CD247: variants seen among roughly 807,000 people sequenced by gnomAD.
CD247 encodes the protein CD247 molecule, also known as T-cell surface glycoprotein CD3 zeta chain.
A neutral mutation model predicts 30.0 loss-of-function variants in CD247; 13 were observed. The observed-to-expected ratio is 0.43, with a 90% confidence interval of 0.28 to 0.69. The LOEUF (loss-of-function observed/expected upper bound fraction) is 0.69. Ranked by LOEUF, CD247 falls within the 30% of genes least tolerant of loss-of-function variation. The pLI is 0.16. For missense variants in CD247, 193 were observed against 212.6 expected, an observed-to-expected ratio of 0.91 and a Z score of 0.57; for synonymous variants, 72 against 80.0, an observed-to-expected ratio of 0.90 and a Z score of 0.53.
intron 1 of CD247, among the ~76,000 whole-genome samples, chr1:167,490,829 CGTTTGAACATGGGCAGGAGAACT>C (rs1431908679): frequency 6.6e-6 from 1 of 151,796 alleles, no homozygotes; most frequent in African/African-American, 2.4e-5. Flanking sequence ...GCAGGAGAAT[CGTTTGAACATGGGCAGGAGAACT>C]GTTTGAACAT....
intron 1 of CD247, chr1:167,448,572 T>C: frequency 1.0e-6 from 1 of 971,840 alleles, no homozygotes; most frequent in Non-Finnish European, 1.2e-6. Context: ...AATGACCCAC[T>C]GGAGATACCT....
intron 1 of CD247, among the ~76,000 whole-genome samples, chr1:167,475,193 T>G (rs1038864673): frequency 4.6e-5 from 7 of 152,180 alleles, no homozygotes; most frequent in African/African-American, 1.7e-4. Flanking sequence ...CCACCATTTT[T>G]ATTATAAAAT....
chr1:167,452,851 C>T (rs981724743), intron 1 of CD247, among the ~76,000 whole-genome samples: 4 of 151,904 alleles, frequency 2.6e-5, no homozygotes, highest in Middle Eastern at 3.4e-3. Context: ...GGTTAGCAGA[C>T]AACACTTGCT....
Position 167,452,346 on chromosome 1 carries a change from G to A in CD247, c.59-11579C>T, listed in dbSNP as rs567856274. Among the ~76,000 whole-genome samples the A allele has an allele frequency of 4.7e-4, 71 of 150,984 alleles. 1 individual carries two copies. The highest frequency in any genetic ancestry group is 1.0e-3 in the African/African-American group (41 of 41,038). On this transcript the variant is annotated intron_variant, in intron 1 of 7. Transcript: ENST00000362089. Reference sequence around the variant, plus strand: ...GGAGAATCCCTTGAACCCGGGAGGCGGAGGCTGCAGTGAGCCGAGATTGTG... The same window carrying A: ...GGAGAATCCCTTGAACCCGGGAGGCAGAGGCTGCAGTGAGCCGAGATTGTG...
chr1:167,434,856 G>C (rs1325854147), intron 5 of CD247: 4 of 462,538 alleles, frequency 8.6e-6, no homozygotes, highest in African/African-American at 4.0e-5. Context: ...AAGAAGGGAA[G>C]GTCTGGACAG....
chr1:167,465,905 C>T (rs1558010823), intron 1 of CD247, among the ~76,000 whole-genome samples: 1 of 152,172 alleles, frequency 6.6e-6, no homozygotes, highest in African/African-American at 2.4e-5. Flanking sequence ...TATCTTTTTC[C>T]TCTGCTAATT....
rs941284589 is a variant in CD247 at position 167,461,111 on chromosome 1, G to A, written c.59-20344C>T. On this transcript the variant is annotated intron_variant, in intron 1 of 7. Transcript: ENST00000362089. ...GGACATGCTGGGGACGTGGGCGATC[G>A]TGGGCTGAGAGGCAGACTGCTGGGC... Among the ~76,000 whole-genome samples, 6 of 152,244 alleles carry A rather than the reference G, an allele frequency of 3.9e-5. No homozygotes were observed. In the East Asian group the frequency reaches 9.6e-4, roughly 24 times the overall value.
At chr1:167,436,176 A>C (rs1057446134) in intron 4 of CD247, among the ~76,000 whole-genome samples, 1 of 152,250 alleles carries the variant, frequency 6.6e-6, no homozygotes, top group East Asian at 1.9e-4. Flanking sequence ...GAAATCAATA[A>C]ACATGATACA....
At chr1:167,468,878 C>T (rs1314273163) in intron 1 of CD247, among the ~76,000 whole-genome samples, 2 of 151,244 alleles carry the variant, frequency 1.3e-5, no homozygotes, top group Non-Finnish European at 2.9e-5. Flanking sequence ...TTAAGGGAAC[C>T]AAAAAATAAA....
rs376714528 is a variant in CD247 at position 167,450,846 on chromosome 1, C to T, written c.59-10079G>A. ...GAGAATCGCTTGAACCCAGGAGGCA[C>T]AGGTTGCAGTGAGCTGAGATCGAGC... On this transcript the variant is annotated intron_variant, in intron 1 of 7. Coordinates refer to ENST00000362089, the MANE Select transcript of CD247 (RefSeq NM_198053.3). Among the ~76,000 whole-genome samples the T allele has an allele frequency of 8.6e-4, 126 of 147,316 alleles. 3 individuals are homozygous for T. The South Asian group carries it at 0.026, about 30-fold the overall frequency.
Position 167,452,956 on chromosome 1 carries a change from T to C in CD247, c.59-12189A>G, listed in dbSNP as rs935223688. 4.0e-5 allele frequency among the ~76,000 whole-genome samples: 6 copies of C among 150,876 alleles called. No homozygotes were observed. The East Asian group carries it at 1.2e-3, about 29-fold the overall frequency. ...AAATAGAACAATACAAACATATATGTATGCATGTACATATATACATAGAGA... is the reference window on the plus strand; with the variant it reads ...AAATAGAACAATACAAACATATATGCATGCATGTACATATATACATAGAGA... On this transcript the variant is annotated intron_variant, in intron 1 of 7. Coordinates refer to ENST00000362089, the MANE Select transcript of CD247 (RefSeq NM_198053.3).
chr1:167,497,018 A>G (rs2949654), intron 1 of CD247, among the ~76,000 whole-genome samples: 55,664 of 152,076 alleles, frequency 0.37, 10,556 homozygotes, highest in South Asian at 0.48. Context: ...ATGTGAGCAC[A>G]GATGTATGCA....
At position 167,496,439 on chromosome 1, in the gene CD247, G is replaced by C. The variant is rs77851539; in HGVS notation, c.58+21969C>G. On this transcript the variant is annotated intron_variant, in intron 1 of 7. Coordinates refer to ENST00000362089, the MANE Select transcript of CD247 (RefSeq NM_198053.3). Reference sequence around the variant, plus strand: ...GCCCTGCAACCCCCCTGCTCTTTGGGTCAGTACTTGAACCTGCCTGAGAGG... The same window carrying C: ...GCCCTGCAACCCCCCTGCTCTTTGGCTCAGTACTTGAACCTGCCTGAGAGG... Among the ~76,000 whole-genome samples, 1,038 of 152,300 alleles carry C rather than the reference G, an allele frequency of 6.8e-3. 15 individuals carry two copies. The highest frequency in any genetic ancestry group is 0.022 in the African/African-American group (906 of 41,558).
At chr1:167,455,860 C>T (rs1419536685) in intron 1 of CD247, among the ~76,000 whole-genome samples, 2 of 152,172 alleles carry the variant, frequency 1.3e-5, no homozygotes, top group Non-Finnish European at 2.9e-5. Context: ...GGCCTGCCTT[C>T]GGTGGTGGGC....
intron 1 of CD247, among the ~76,000 whole-genome samples, chr1:167,505,486 G>T (rs1436317035): frequency 6.6e-6 from 1 of 152,210 alleles, no homozygotes; most frequent in Non-Finnish European, 1.5e-5. Context: ...TGCCTGCTTC[G>T]TTTCTGAAAG....
intron 3 of CD247, among the ~76,000 whole-genome samples, chr1:167,439,032 C>T (rs12060404): frequency 0.11 from 16,294 of 152,148 alleles, 1,281 homozygotes; most frequent in African/African-American, 0.21. Flanking sequence ...CTAATACATT[C>T]CTTCTCCACC....
intron 1 of CD247, chr1:167,458,793 T>C (rs983441701): frequency 1.4e-5 from 2 of 146,676 alleles, no homozygotes; most frequent in Non-Finnish European, 3.0e-5. Context: ...ACAATGGGCA[T>C]CTGTTTCTGT....
chr1:167,433,754 C>T (rs1651394226), intron 6 of CD247, among the ~76,000 whole-genome samples: 1 of 152,250 alleles, frequency 6.6e-6, no homozygotes, highest in South Asian at 2.1e-4. Flanking sequence ...TCGATGCTTC[C>T]TGTTATTAAA....
At chr1:167,448,024 T>C (rs938547021) in intron 1 of CD247, among the ~76,000 whole-genome samples, 7 of 152,054 alleles carry the variant, frequency 4.6e-5, no homozygotes, top group African/African-American at 9.7e-5. Context: ...TGCCGACCCA[T>C]TGACCACAGC....
Sources: allele counts gnomAD v4.1 joint callset (sites outside exome capture counted in the v4.1 genomes callset), GRCh38; gene constraint gnomAD v4.1.1; transcripts MANE v1.5; gene names NCBI Gene and HGNC (gene_info 2026-07-23, HGNC 2026-07-21).